NRXN3: variants seen among roughly 807,000 people sequenced by gnomAD.
NRXN3 encodes the protein neurexin III.
In NRXN3, 32 loss-of-function variants were observed where a neutral mutation model predicts 137.6. The observed-to-expected ratio is 0.23, with a 90% CI of 0.18 to 0.31. The LOEUF is 0.31. NRXN3 is among the 10% of genes least tolerant of loss of function. The pLI is 1.00. For missense variants in NRXN3, 1,574 were observed against 2,062.5 expected (o/e 0.76, Z 4.59); for synonymous variants, 798 against 784.5 (o/e 1.02, Z -0.29).
chr14:79,392,196 C>T (rs1423705329), intron 15 of NRXN3, among the ~76,000 whole-genome samples: 1 of 152,142 alleles, frequency 6.6e-6, no homozygotes, highest in Non-Finnish European at 1.5e-5. Flanking sequence ...TCCCTGTGTC[C>T]ATGTTTTCTC....
intron 15 of NRXN3, among the ~76,000 whole-genome samples, chr14:79,222,721 A>G (rs149773826): frequency 7.2e-6 from 1 of 138,224 alleles, no homozygotes; most frequent in Admixed American, 7.5e-5. Context: ...GGACCATACT[A>G]ATTGATGTAT....
rs554096757 is a variant in NRXN3, at chr14:79,355,869, C to G, written c.3263-111352C>G. Reference sequence around the variant, plus strand: ...AACTTTCACGGCAGCTAAAATCTCCCACACAAATCTGAGTAAAGAAACCCT... The same window carrying G: ...AACTTTCACGGCAGCTAAAATCTCCGACACAAATCTGAGTAAAGAAACCCT... On this transcript the variant is annotated intron_variant, in intron 15 of 20. Transcript: ENST00000335750. Among the ~76,000 whole-genome samples, 16 of 152,192 alleles carry G rather than the reference C, an allele frequency of 1.1e-4. No homozygotes were observed. In the East Asian group the frequency reaches 3.1e-3, roughly 29 times the overall value.
At chr14:78,956,435 T>G (rs1189389089) in intron 10 of NRXN3, among the ~76,000 whole-genome samples, 2 of 152,238 alleles carry the variant, frequency 1.3e-5, no homozygotes, top group Admixed American at 6.5e-5. Context: ...TAGGGTTCAC[T>G]TGAACCTTAG....
intron 4 of NRXN3, among the ~76,000 whole-genome samples, chr14:78,451,675 C>A (rs907736663): frequency 6.6e-6 from 1 of 152,204 alleles, no homozygotes; most frequent in African/African-American, 2.4e-5. Flanking sequence ...GGACTTAATG[C>A]TGTCTGCTCC....
At chr14:79,327,657 G>A (rs2091092395) in intron 15 of NRXN3, among the ~76,000 whole-genome samples, 1 of 151,986 alleles carries the variant, frequency 6.6e-6, no homozygotes, top group African/African-American at 2.4e-5. Flanking sequence ...CTCTCCCAGG[G>A]GAAACCCTTT....
intron 15 of NRXN3, among the ~76,000 whole-genome samples, chr14:79,065,983 A>G (rs569597267): frequency 6.6e-6 from 1 of 152,164 alleles, no homozygotes; most frequent in Non-Finnish European, 1.5e-5. Flanking sequence ...GCTGTGCAGA[A>G]GCTCTTTAGC....
At chr14:79,682,247 A>G (rs1189545773) in intron 17 of NRXN3, among the ~76,000 whole-genome samples, 1 of 152,096 alleles carries the variant, frequency 6.6e-6, no homozygotes, top group Non-Finnish European at 1.5e-5. Flanking sequence ...ACTTTTCTCT[A>G]GACATTTCTG....
At chr14:79,186,176 A>T (rs748674497) in intron 15 of NRXN3, among the ~76,000 whole-genome samples, 28 of 152,102 alleles carry the variant, frequency 1.8e-4, no homozygotes, top group Non-Finnish European at 4.0e-4. Flanking sequence ...ATTCTATTTT[A>T]TTCCATTCCA....
chr14:79,087,252 T>A (rs1438970152), intron 15 of NRXN3, among the ~76,000 whole-genome samples: 1 of 152,064 alleles, frequency 6.6e-6, no homozygotes, highest in African/African-American at 2.4e-5. Context: ...TGCAAGTGGT[T>A]CTCCTGTCTA....
chr14:78,308,393 C>T (rs1205928614), intron 4 of NRXN3, among the ~76,000 whole-genome samples: 2 of 152,076 alleles, frequency 1.3e-5, no homozygotes, highest in African/African-American at 4.8e-5. Context: ...ATAGTCAAGA[C>T]CATAGAACTG....
intron 15 of NRXN3, among the ~76,000 whole-genome samples, chr14:79,197,075 G>C (rs532818491): frequency 2.5e-4 from 38 of 152,304 alleles, no homozygotes; most frequent in African/African-American, 8.9e-4. Context: ...GGTCCAGCCT[G>C]CTAGCTTGGG....
At chr14:79,514,378 C>A (rs2096962491) in intron 16 of NRXN3, among the ~76,000 whole-genome samples, 1 of 152,188 alleles carries the variant, frequency 6.6e-6, no homozygotes. Flanking sequence ...CAGCAGCAAG[C>A]AGAATAATTT....
At chr14:78,797,021 T>C (rs533882749) in intron 8 of NRXN3, among the ~76,000 whole-genome samples, 6 of 152,140 alleles carry the variant, frequency 3.9e-5, no homozygotes, top group East Asian at 1.9e-4. Context: ...GTCACACATA[T>C]ACAACAGACA....
At chr14:78,224,982 G>GTTA (rs2064347286) in intron 1 of NRXN3, among the ~76,000 whole-genome samples, 1 of 151,978 alleles carries the variant, frequency 6.6e-6, no homozygotes, top group Admixed American at 6.5e-5. Context: ...TAGCCAGGAT[G>GTTA]GTCTCGATCT....
At chr14:78,378,826 CA>C (rs1387261621) in intron 4 of NRXN3, among the ~76,000 whole-genome samples, 1 of 151,964 alleles carries the variant, frequency 6.6e-6, no homozygotes, top group African/African-American at 2.4e-5. Context: ...CCTAGAACAT[CA>C]ATGAAACAAA....
rs386381910 is a variant in NRXN3 at position 78,532,150 on chromosome 14, CAAAA to C, written c.758-112957_758-112954del. Among the ~76,000 whole-genome samples, 9 of 121,328 alleles carry C rather than the reference CAAAA, an allele frequency of 7.4e-5. No homozygotes were observed. In the East Asian group the frequency reaches 9.6e-4, roughly 13 times the overall value. The allele number at this position is 121,328 out of a possible 152,430, so 79.6% of individuals were successfully genotyped here. A position where few individuals can be genotyped will look rare whatever the true frequency, so the allele number is the denominator to read the frequency against. ...AGAAACCCCATCTTTACTAAAAATA[CAAAA>C]AAAAAAAAAAAATAGCCAAGTGCGC... On this transcript the variant is annotated intron_variant, in intron 4 of 20. Coordinates refer to ENST00000335750, the MANE Select transcript of NRXN3 (RefSeq NM_001330195.2).
At chr14:79,781,511 C>T (rs10162529) in intron 19 of NRXN3, among the ~76,000 whole-genome samples, 9,969 of 152,238 alleles carry the variant, frequency 0.065, 1,087 homozygotes, top group African/African-American at 0.23. Flanking sequence ...AAACAGGATT[C>T]GTATCATGTT....
chr14:78,961,055 A>G (rs545124156), intron 11 of NRXN3, among the ~76,000 whole-genome samples: 4 of 150,756 alleles, frequency 2.7e-5, no homozygotes, highest in South Asian at 4.2e-4. Flanking sequence ...TTTTTACTGA[A>G]GTATTTTATA....
At position 79,699,695 on chromosome 14, in the gene NRXN3, G is replaced by A. The variant is rs1436505064; in HGVS notation, c.4014+1758G>A. Among the ~76,000 whole-genome samples the A allele has an allele frequency of 4.6e-5, 7 of 152,090 alleles. No individual in the cohort carries two copies. In the East Asian group the frequency reaches 1.2e-3, roughly 25 times the overall value. ...CTTGCTAGTGATTATAACTCTAAAC[G>A]TTATAGAACCTATGGCCATTTTAGA... On this transcript the variant is annotated intron_variant, in intron 19 of 20. Transcript: ENST00000335750.
Sources: gnomAD v4.1 joint callset for allele counts (sites outside exome capture counted in the v4.1 genomes callset) on GRCh38, gnomAD v4.1.1 for gene constraint, MANE v1.5 for transcripts, NCBI Gene and HGNC (gene_info 2026-07-23, HGNC 2026-07-21) for gene names.